OGDH: variants seen among roughly 807,000 people sequenced by gnomAD.
The protein encoded by OGDH is 2-oxoglutarate dehydrogenase complex component E1.
Under a neutral mutation model 116.6 loss-of-function variants are expected in OGDH, and 38 were observed. The ratio of observed to expected loss-of-function variants is 0.33; its 90% CI spans 0.25 to 0.43. OGDH has a LOEUF of 0.43. OGDH is among the 20% of genes least tolerant of loss of function. The probability of loss-of-function intolerance (pLI) is 1.00; values close to 1 mark genes in which losing one functional copy is unlikely to be tolerated. For missense variants in OGDH, 825 were observed against 1,357.2 expected (o/e 0.61, Z 6.16); for synonymous variants, 488 against 533.3 (o/e 0.92, Z 1.17).
chr7:44,687,091 A>ATTTTTTTT (rs59074567), intron 10 of OGDH, among the ~76,000 whole-genome samples: 8 of 95,536 alleles, frequency 8.4e-5, no homozygotes, highest in Non-Finnish European at 1.0e-4. Context: ...ATTTTTTTTA[A>ATTTTTTTT]TTTTTTTTTT....
intron 5 of OGDH, among the ~76,000 whole-genome samples, chr7:44,668,237 G>A (rs1489057210): frequency 1.3e-5 from 2 of 152,142 alleles, no homozygotes; most frequent in African/African-American, 4.8e-5. Flanking sequence ...GGGAGTTCAA[G>A]ACCAGCCTGG....
rs547121409 is a variant in OGDH, at chr7:44,673,609, G to A, written c.634-178G>A. 4.6e-5 allele frequency among the ~76,000 whole-genome samples: 7 copies of A among 152,342 alleles called. No homozygotes were observed. In the South Asian group the frequency reaches 1.5e-3, roughly 32 times the overall value. ...TGAAGGAAGCACTTCATGACCCTAT[G>A]AAGAGGGCTTCTGCCTGGCACCCAC... On this transcript the variant is annotated intron_variant, in intron 5 of 22. Coordinates refer to ENST00000222673, the MANE Select transcript of OGDH (RefSeq NM_002541.4).
At chr7:44,660,545 C>A (rs1786890331) in intron 4 of OGDH, among the ~76,000 whole-genome samples, 1 of 152,002 alleles carries the variant, frequency 6.6e-6, no homozygotes, top group South Asian at 2.1e-4. Context: ...AAAAAATGGC[C>A]CACCATATTG....
At chr7:44,639,795 G>GA (rs1481828223) in intron 2 of OGDH, among the ~76,000 whole-genome samples, 1 of 152,234 alleles carries the variant, frequency 6.6e-6, no homozygotes, top group Non-Finnish European at 1.5e-5. Context: ...ACTGGAGAGT[G>GA]AAGTGGGATG....
chr7:44,632,362 A>G (rs1254031596), intron 2 of OGDH, among the ~76,000 whole-genome samples: 1 of 152,150 alleles, frequency 6.6e-6, no homozygotes, highest in Non-Finnish European at 1.5e-5. Flanking sequence ...GCACCATGAT[A>G]GTAGCCTCAA....
chr7:44,664,515 T>C (rs1015056992), intron 4 of OGDH, among the ~76,000 whole-genome samples: 2 of 152,166 alleles, frequency 1.3e-5, no homozygotes, highest in Non-Finnish European at 2.9e-5. Context: ...TGTCAGGCTT[T>C]TGTTATCAAA....
intron 9 of OGDH, among the ~76,000 whole-genome samples, chr7:44,679,140 A>G (rs1237649101): frequency 6.6e-6 from 1 of 152,216 alleles, no homozygotes; most frequent in Non-Finnish European, 1.5e-5. Context: ...GTCGCAGTAC[A>G]ACATCACCAG....
At chr7:44,654,155 A>T (rs1786582940) in intron 4 of OGDH, among the ~76,000 whole-genome samples, 1 of 152,226 alleles carries the variant, frequency 6.6e-6, no homozygotes, top group Non-Finnish European at 1.5e-5. Flanking sequence ...ACGCTCCGTG[A>T]GATGTACTTT....
chr7:44,647,277 T>C (rs1020534300), intron 3 of OGDH, among the ~76,000 whole-genome samples: 9 of 152,250 alleles, frequency 5.9e-5, no homozygotes, highest in African/African-American at 2.2e-4. Context: ...TGCACAATAG[T>C]GCTTTTAAAA....
chr7:44,688,141 C>T (rs1273555035), intron 10 of OGDH, among the ~76,000 whole-genome samples: 1 of 152,016 alleles, frequency 6.6e-6, no homozygotes, highest in African/African-American at 2.4e-5. Flanking sequence ...GAGGCCGAGG[C>T]AGGTGGATCA....
In OGDH at chr7:44,697,298, T is replaced by C. The variant is rs944524290; in HGVS notation, c.2052-72T>C. On this transcript the variant is annotated intron_variant, in intron 15 of 22. Coordinates refer to ENST00000222673, the MANE Select transcript of OGDH (RefSeq NM_002541.4). The surrounding 1 kb of genome is among the most constrained non-coding windows in gnomAD (Gnocchi z 6.0). ...ACAGAGCATGGCATCTGCTGGTGCT[T>C]CGTGCGGGTCCCCAGCGTATTTGCT... 6 of 1,587,230 alleles carry C rather than the reference T, an allele frequency of 3.8e-6. No homozygotes were observed. The African/African-American group carries it at 8.0e-5, about 21-fold the overall frequency.
intron 18 of OGDH, among the ~76,000 whole-genome samples, chr7:44,699,349 C>T (rs1416477112): frequency 2.7e-5 from 4 of 146,034 alleles, no homozygotes; most frequent in East Asian, 2.1e-4. Flanking sequence ...CGCTTGAACC[C>T]GGGAGGTGGA....
chr7:44,648,809 A>G lies in OGDH; in HGVS notation c.517+1050A>G, dbSNP rs942955250. Among the ~76,000 whole-genome samples the G allele has an allele frequency of 2.0e-5, 3 of 152,184 alleles. 1 individual carries two copies. Among genetic ancestry groups the G allele is most frequent in the African/African-American group, 7.2e-5 (3 of 41,450 alleles). ...TACCAGCCCTTTAGCGGATTTAGGA[A>G]GGGAGTTTAGAGAAATCCTCTTGAA... On this transcript the variant is annotated intron_variant, in intron 4 of 22. Transcript: ENST00000222673.
chr7:44,627,685 T>C (rs1248042780), intron 2 of OGDH, among the ~76,000 whole-genome samples: 1 of 152,114 alleles, frequency 6.6e-6, no homozygotes, highest in Non-Finnish European at 1.5e-5. Context: ...ATTTATTTTA[T>C]TTATTTTTTT....
chr7:44,699,587 T>C (rs1004322230), intron 18 of OGDH, among the ~76,000 whole-genome samples: 10 of 152,158 alleles, frequency 6.6e-5, no homozygotes, highest in Non-Finnish European at 1.0e-4. Flanking sequence ...ACTGAGGCTC[T>C]CCTCCAGGGT....
At chr7:44,643,649 A>G (rs1786047689) in intron 2 of OGDH, among the ~76,000 whole-genome samples, 2 of 152,192 alleles carry the variant, frequency 1.3e-5, no homozygotes, top group South Asian at 4.1e-4. Flanking sequence ...AGAAGACCTT[A>G]AGGACCAGCA....
At chr7:44,668,716 A>G (rs1787294471) in intron 5 of OGDH, among the ~76,000 whole-genome samples, 1 of 152,214 alleles carries the variant, frequency 6.6e-6, no homozygotes, top group Admixed American at 6.5e-5. Flanking sequence ...ACATCACCAC[A>G]CTGACTATAG....
At chr7:44,641,446 G>C (rs961379745) in intron 2 of OGDH, among the ~76,000 whole-genome samples, 13 of 151,060 alleles carry the variant, frequency 8.6e-5, no homozygotes, top group African/African-American at 2.9e-4. Flanking sequence ...GGCTGGTCTC[G>C]AACTCCTGAT....
chr7:44,639,751 A>C (rs1785845348), intron 2 of OGDH, among the ~76,000 whole-genome samples: 1 of 152,180 alleles, frequency 6.6e-6, no homozygotes, highest in Non-Finnish European at 1.5e-5. Context: ...AAGGTGGGGC[A>C]GGGTGCTCCC....
Sources: allele counts gnomAD v4.1 joint callset (sites outside exome capture counted in the v4.1 genomes callset), GRCh38; gene constraint gnomAD v4.1.1; non-coding constraint Gnocchi (gnomAD v3.1); transcripts MANE v1.5; gene names NCBI Gene and HGNC (gene_info 2026-07-23, HGNC 2026-07-21).